SCAF1: variants seen among roughly 807,000 people sequenced by gnomAD.
SCAF1 encodes SR-related CTD associated factor 1, also known as splicing factor, arginine/serine-rich 19.
A neutral mutation model predicts 91.2 loss-of-function variants in SCAF1; 28 were observed. The observed-to-expected ratio is 0.31, with a 90% CI of 0.23 to 0.42. The LOEUF is 0.42. SCAF1 is among the 10% of genes least tolerant of loss of function. The pLI is 1.00. For synonymous variants in SCAF1, 1,036 were observed against 833.7 expected, an observed-to-expected ratio of 1.24 and a Z score of -4.18; for missense variants, 1,893 against 1,872.1, an observed-to-expected ratio of 1.01 and a Z score of -0.21.
In SCAF1 at chr19:49,646,929, C is replaced by CA. The variant is rs1478246731; in HGVS notation, c.478+103dup. 3.6e-6 allele frequency: 3 copies of CA among 841,596 alleles called. No individual in the cohort carries two copies. Among genetic ancestry groups the CA allele is most frequent in the Non-Finnish European group, 5.5e-6 (3 of 546,580 alleles). 52.1% of individuals were successfully genotyped at this position (841,596 alleles called of 1,614,324 possible). On this transcript the variant is annotated intron_variant, in intron 6 of 10. Coordinates refer to ENST00000360565, the MANE Select transcript of SCAF1 (RefSeq NM_021228.3). The surrounding 1 kb of genome is among the most constrained non-coding windows in gnomAD (Gnocchi z 5.6). Reference sequence around the variant, plus strand: ...GGTAGCGGTGATCATGTTATTTAGACAAAACCTTTCCCTTCTCTTCGTATT... The same window carrying CA: ...GGTAGCGGTGATCATGTTATTTAGACAAAAACCTTTCCCTTCTCTTCGTATT...
Position 49,645,473 on chromosome 19 carries a change from C to T in SCAF1, c.166+62C>T. On this transcript the variant is annotated intron_variant, in intron 3 of 10. Coordinates refer to ENST00000360565, the MANE Select transcript of SCAF1 (RefSeq NM_021228.3). The surrounding 1 kb of genome is among the most constrained non-coding windows in gnomAD (Gnocchi z 4.6). Reference sequence around the variant, plus strand: ...CTCTCTGCATTCTTTATCCTAATGTCATTCATACAAGCTTTTCTGAAGCCT... The same window carrying T: ...CTCTCTGCATTCTTTATCCTAATGTTATTCATACAAGCTTTTCTGAAGCCT... 1 of 1,533,830 alleles carries T rather than the reference C, an allele frequency of 6.5e-7. No individual in the cohort carries two copies. The highest frequency in any genetic ancestry group is 1.2e-5 in the South Asian group (1 of 86,140).
chr19:49,644,883 G>A, intron 1 of SCAF1, 138 bp from the exon 2 acceptor site: 1 of 627,408 alleles, frequency 1.6e-6, no homozygotes, highest in Non-Finnish European at 2.8e-6. Flanking sequence ...TGGAGTGGGA[G>A]GAGGTGGAGG....
chr19:49,645,254 G>A lies in SCAF1; in HGVS notation c.109-100G>A, dbSNP rs1160107680. 1 of 1,514,436 alleles carries A rather than the reference G, an allele frequency of 6.6e-7. No homozygotes were observed. Among genetic ancestry groups the A allele is most frequent in the East Asian group, 2.3e-5 (1 of 44,364 alleles). 93.8% of individuals were successfully genotyped at this position (1,514,436 alleles called of 1,614,324 possible). On this transcript the variant is annotated intron_variant, in intron 2 of 10. Transcript: ENST00000360565. The surrounding 1 kb of genome is among the most constrained non-coding windows in gnomAD (Gnocchi z 4.6). ...CTCTTGGCTCCCTTGAAGCACTTGA[G>A]TCTAGCTGTCAGTGTCTGGGATGTC...
intron 9 of SCAF1, among the ~76,000 whole-genome samples, chr19:49,657,399 G>A (rs552014662): frequency 6.6e-6 from 1 of 152,194 alleles, no homozygotes; most frequent in African/African-American, 2.4e-5. Flanking sequence ...GTTTTCTACA[G>A]CCCCGCCTCT....
At chr19:49,653,870 G>A (rs771659487) in intron 7 of SCAF1, among the ~76,000 whole-genome samples, 165 bp downstream of exon 7, 3 of 152,178 alleles carry the variant, frequency 2.0e-5, no homozygotes, top group Non-Finnish European at 4.4e-5. Flanking sequence ...TAGGTGCCTG[G>A]GTGTACTGGG....
rs1237388987 is a variant in SCAF1, at chr19:49,652,880, G to T, written c.2491G>T (p.Val831Leu). ...GTCGTCCTCCTGTTCTTCCCGGAAG[G>T]TGAAGCTGCAGTCCAAGGTGGCGGT... is the stretch of plus-strand genomic sequence containing the variant. Reference protein sequence around the residue: ...SSSSSCSSRKVKLQSKVAVLI... With the variant: ...SSSSSCSSRKLKLQSKVAVLI... The change falls in exon 7 of 11, where the codon GTG becomes TTG. Residue 831 changes from valine to leucine, a missense_variant. Around this residue, in one of 5 missense-constraint regions of SCAF1, gnomAD observed 1,436 missense variants for 1,306.8 expected, o/e 1.10. Transcript: ENST00000360565. 7 of 1,614,062 alleles carry T rather than the reference G, an allele frequency of 4.3e-6. No homozygotes were observed. Among genetic ancestry groups the T allele is most frequent in the Non-Finnish European group, 5.1e-6 (6 of 1,180,010 alleles).
intron 6 of SCAF1, among the ~76,000 whole-genome samples, chr19:49,650,067 G>A (rs1422017326): frequency 1.3e-5 from 2 of 152,212 alleles, no homozygotes; most frequent in Admixed American, 6.5e-5. Flanking sequence ...ACAGTGCAGC[G>A]GGCTCTTTGG....
intron 7 of SCAF1, among the ~76,000 whole-genome samples, chr19:49,653,953 A>G (rs1017724206): frequency 2.0e-5 from 3 of 152,186 alleles, no homozygotes; most frequent in Non-Finnish European, 2.9e-5. Flanking sequence ...GGATTCCCCT[A>G]GACGGGGAGT....
At position 49,654,711 on chromosome 19, in the gene SCAF1, C is replaced by T. The variant is rs144625329; in HGVS notation, c.3459C>T (p.Thr1153=). 2 of 1,614,038 alleles carry T rather than the reference C, an allele frequency of 1.2e-6. No homozygotes were observed. The highest frequency in any genetic ancestry group is 4.5e-5 in the East Asian group (2 of 44,898). ...SLGMTPAPVP[T]SLGLPPGPSS... ...GGATGACCCCAGCTCCTGTGCCCAC[C>T]TCTTTGGGTCTGCCCCCTGGCCCCT... Residue 1153 remains threonine, a synonymous_variant, in exon 9 of 11, where the codon ACC becomes ACT. Transcript: ENST00000360565.
chr19:49,651,823 C>A lies in SCAF1; in HGVS notation c.1434C>A (p.Gly478=), dbSNP rs771122965. 1.6e-6 allele frequency: 2 copies of A among 1,247,454 alleles called. No homozygotes were observed. The highest frequency in any genetic ancestry group is 2.0e-6 in the Non-Finnish European group (2 of 995,528). 77.3% of individuals were successfully genotyped at this position (1,247,454 alleles called of 1,614,324 possible). A position where few individuals can be genotyped will look rare whatever the true frequency, so the allele number is the denominator to read the frequency against. Residue 478 remains glycine, a synonymous_variant, in exon 7 of 11, where the codon GGC becomes GGA. Coordinates refer to ENST00000360565, the MANE Select transcript of SCAF1 (RefSeq NM_021228.3). ...PAPPAADSRW[G]GLDLRRKILT... Reference sequence around the variant, plus strand: ...CGCCCGCCGCCGACTCGCGCTGGGGCGGCCTGGACCTGCGCCGCAAGATCC... The same window carrying A: ...CGCCCGCCGCCGACTCGCGCTGGGGAGGCCTGGACCTGCGCCGCAAGATCC...
rs754690731 is a variant in SCAF1, at chr19:49,651,375, C to T, written c.986C>T (p.Pro329Leu). 5.0e-6 allele frequency: 8 copies of T among 1,607,556 alleles called. No individual in the cohort carries two copies. In the Admixed American group the frequency reaches 5.0e-5, roughly 10 times the overall value. The change falls in exon 7 of 11, where the codon CCG becomes CTG. Residue 329 changes from proline (P) to leucine (L), a missense_variant. Around this residue, in one of 5 missense-constraint regions of SCAF1, gnomAD observed 1,436 missense variants for 1,306.8 expected, o/e 1.10. Coordinates refer to ENST00000360565, the MANE Select transcript of SCAF1 (RefSeq NM_021228.3). Reference sequence around the variant, plus strand: ...CGCCCGGACGCGCAGCCCACACAGCCGACTCCCGCCCCTGGAACGCCGCCC... The same window carrying T: ...CGCCCGGACGCGCAGCCCACACAGCTGACTCCCGCCCCTGGAACGCCGCCC... ...SPRPDAQPTQPTPAPGTPPQV... is the reference protein window; with the variant it reads ...SPRPDAQPTQLTPAPGTPPQV...
rs748471914 is a variant in SCAF1 at position 49,653,121 on chromosome 19, C to T, written c.2732C>T (p.Thr911Ile). The T allele has an allele frequency of 1.2e-6, 2 of 1,610,782 alleles. No homozygotes were observed. Among genetic ancestry groups the T allele is most frequent in the Admixed American group, 1.7e-5 (1 of 59,378 alleles). The change falls in exon 7 of 11, where the codon ACC becomes ATC. Residue 911 changes from threonine to isoleucine, a missense_variant. Physicochemically the swap from Thr to Ile is moderately conservative, Grantham distance 89. Transcript: ENST00000360565. ...KVKAKAGAKK[T>I]KGTKGKTKPS... ...AAGGCCAAGGCAGGGGCCAAGAAAACCAAGGGGACCAAGGGAAAGACCAAG... is the reference window on the plus strand; with the variant it reads ...AAGGCCAAGGCAGGGGCCAAGAAAATCAAGGGGACCAAGGGAAAGACCAAG...
chr19:49,642,394 A>T lies in SCAF1; in HGVS notation c.-7+152A>T, dbSNP rs1335155486. 4.0e-5 allele frequency among the ~76,000 whole-genome samples: 6 copies of T among 151,896 alleles called. No individual in the cohort carries two copies. On this transcript the variant is annotated intron_variant, in intron 1 of 10. Coordinates refer to ENST00000360565, the MANE Select transcript of SCAF1 (RefSeq NM_021228.3). The surrounding 1 kb of genome is among the most constrained non-coding windows in gnomAD (Gnocchi z 4.0). ...GGTCTCGGGCCCGGCAGCTGCGGCG[A>T]AACCTGGCGCCGAGAGGGGGGCCTT...
rs760046759 is a variant in SCAF1, at chr19:49,651,611, T to A, written c.1222T>A (p.Ser408Thr). ...QPEEEPRLAL[S>T]LFRPGGRAAR... ...GGAGGAGGAGCCCAGGCTGGCGCTG[T>A]CCCTCTTCCGCCCCGGCGGCCGGGC... is the stretch of plus-strand genomic sequence containing the variant. Residue 408 changes from serine (S) to threonine (T), a missense_variant, in exon 7 of 11, where the codon TCC becomes ACC. Physicochemically the swap from Ser to Thr is moderately conservative, Grantham distance 58. Around this residue, in one of 5 missense-constraint regions of SCAF1, gnomAD observed 1,436 missense variants for 1,306.8 expected, o/e 1.10. Transcript: ENST00000360565. 10 of 1,494,874 alleles carry A rather than the reference T, an allele frequency of 6.7e-6. No individual in the cohort carries two copies. Among genetic ancestry groups the A allele is most frequent in the Non-Finnish European group, 8.9e-6 (10 of 1,124,300 alleles). The allele number at this position is 1,494,874 out of a possible 1,614,324, so 92.6% of individuals were successfully genotyped here.
chr19:49,652,430 C>G lies in SCAF1; in HGVS notation c.2041C>G (p.Arg681Gly). 6.3e-7 allele frequency: 1 copy of G among 1,599,122 alleles called. No individual in the cohort carries two copies. The highest frequency in any genetic ancestry group is 8.5e-7 in the Non-Finnish European group (1 of 1,177,062). ...CACCTCGTGTGGTGACCGCGACAGC[C>G]GCCGCCGGGGGGCCGTGCCACCCTC... is the stretch of plus-strand genomic sequence containing the variant. The part of the protein sequence containing the change: ...GSTSCGDRDS[R>G]RRGAVPPSIQ... The change falls in exon 7 of 11, where the codon CGC becomes GGC. Residue 681 changes from arginine to glycine, a missense_variant. Arg to Gly is a moderately radical substitution (Grantham distance 125). Transcript: ENST00000360565.
At chr19:49,644,841 G>A in intron 1 of SCAF1, 180 bp from the exon 2 acceptor site, 1 of 560,544 alleles carries the variant, frequency 1.8e-6, no homozygotes, top group Non-Finnish European at 3.2e-6. Flanking sequence ...TGGGGTGTCT[G>A]TGCTGGGTCC....
intron 9 of SCAF1, among the ~76,000 whole-genome samples, chr19:49,656,989 C>T (rs1235276431): frequency 6.6e-6 from 1 of 152,102 alleles, no homozygotes; most frequent in African/African-American, 2.4e-5. Flanking sequence ...ACCTAGTCGC[C>T]ACAAAAAGTA....
Position 49,652,116 on chromosome 19 carries a change from CCCG to C in SCAF1, c.1729_1731del (p.Arg577del), listed in dbSNP as rs2081098198. 5.5e-6 allele frequency: 6 copies of C among 1,083,408 alleles called. No homozygotes were observed. Among genetic ancestry groups the C allele is most frequent in the African/African-American group, 3.7e-5 (2 of 53,674 alleles). 67.1% of individuals were successfully genotyped at this position (1,083,408 alleles called of 1,614,324 possible). ...TCGTCCGCCCGCCGCCGCTCCCGCT[CCCG>C]CTCCCGCTCCCGCTCCACCCGCCGC... On this transcript the variant is annotated inframe_deletion, in exon 7 of 11. Coordinates refer to ENST00000360565, the MANE Select transcript of SCAF1 (RefSeq NM_021228.3).
chr19:49,644,476 A>G (rs551983331), intron 1 of SCAF1, among the ~76,000 whole-genome samples: 2 of 152,314 alleles, frequency 1.3e-5, no homozygotes, highest in South Asian at 4.1e-4. Context: ...ACTTAGGTGT[A>G]TAAATACAAT....
Sources: allele counts gnomAD v4.1 joint callset (sites outside exome capture counted in the v4.1 genomes callset), GRCh38; gene constraint gnomAD v4.1.1; regional missense constraint gnomAD v4.1.1; non-coding constraint Gnocchi (gnomAD v3.1); transcripts MANE v1.5; gene names NCBI Gene and HGNC (gene_info 2026-07-23, HGNC 2026-07-21).